DTNA: variants seen among roughly 807,000 people sequenced by gnomAD.
DTNA encodes dystrophin-related protein 3.
A neutral mutation model predicts 100.7 loss-of-function variants in DTNA; 43 were observed. That is an observed-to-expected ratio of 0.43 (90% confidence interval 0.33 to 0.55). DTNA has a LOEUF of 0.55. Ranked by LOEUF, DTNA falls within the 20% of genes least tolerant of loss-of-function variation. The pLI, the probability that DTNA is intolerant of heterozygous loss-of-function variation, is 0.04. For synonymous variants in DTNA, 349 were observed against 347.9 expected (o/e 1.00, Z -0.04); for missense variants, 798 against 953.9 (o/e 0.84, Z 2.15).
chr18:34,789,234 AT>A (rs2094614388), intron 3 of DTNA, among the ~76,000 whole-genome samples: 1 of 152,244 alleles, frequency 6.6e-6, no homozygotes, highest in South Asian at 2.1e-4. Context: ...GTAGACAAAA[AT>A]ACCACCATCC....
chr18:34,678,410 C>T (rs2077654517), intron 1 of DTNA, among the ~76,000 whole-genome samples: 1 of 152,090 alleles, frequency 6.6e-6, no homozygotes, highest in African/African-American at 2.4e-5. Flanking sequence ...AAGCAGAAGG[C>T]ACCCATCACC....
At chr18:34,838,065 C>G (rs531326854) in intron 11 of DTNA, 29 bp from the exon 12 acceptor site, 46 of 1,609,990 alleles carry the variant, frequency 2.9e-5, no homozygotes, top group Non-Finnish European at 3.8e-5. Flanking sequence ...TGTTTACGCT[C>G]TTCTTGGCTT....
At chr18:34,756,690 A>G (rs975076217) in intron 2 of DTNA, among the ~76,000 whole-genome samples, 5 of 152,236 alleles carry the variant, frequency 3.3e-5, no homozygotes, top group African/African-American at 1.2e-4. Context: ...AATCTATTCA[A>G]TAAAGGCTAT....
At chr18:34,550,945 C>T (rs1463989944) in intron 1 of DTNA, among the ~76,000 whole-genome samples, 2 of 152,178 alleles carry the variant, frequency 1.3e-5, no homozygotes, top group Non-Finnish European at 2.9e-5. Context: ...TCATTGATGA[C>T]ATTGCATTCT....
At chr18:34,654,572 G>C (rs1350377885) in intron 1 of DTNA, among the ~76,000 whole-genome samples, 1 of 152,130 alleles carries the variant, frequency 6.6e-6, no homozygotes, top group Non-Finnish European at 1.5e-5. Flanking sequence ...AAATATGAAA[G>C]TTAATCTCTT....
Position 34,557,815 on chromosome 18 carries a change from C to T in DTNA, c.-2+64301C>T, listed in dbSNP as rs542803171. Among the ~76,000 whole-genome samples, 71 of 152,226 alleles carry T rather than the reference C, an allele frequency of 4.7e-4. 1 individual carries two copies. In the East Asian group the frequency reaches 7.3e-3, roughly 16 times the overall value. ...TTTAAGTCTGCAGAGGTTACTGCTG[C>T]CTTTTTGTTTGTCTGTGCCCTGCCC... On this transcript the variant is annotated intron_variant, in intron 1 of 19. Transcript: ENST00000283365.
intron 1 of DTNA, among the ~76,000 whole-genome samples, chr18:34,658,439 G>C (rs1197427410): frequency 6.6e-6 from 1 of 152,096 alleles, no homozygotes; most frequent in Non-Finnish European, 1.5e-5. Context: ...TGTAATCTCT[G>C]CCCCCCGGGT....
At chr18:34,781,887 A>C (rs2094338543) in intron 3 of DTNA, among the ~76,000 whole-genome samples, 1 of 152,192 alleles carries the variant, frequency 6.6e-6, no homozygotes. Flanking sequence ...AGATGGGCAC[A>C]TAATTCAGGG....
intron 1 of DTNA, among the ~76,000 whole-genome samples, chr18:34,509,377 A>G (rs1011511056): frequency 6.6e-6 from 1 of 152,098 alleles, no homozygotes; most frequent in Non-Finnish European, 1.5e-5. Context: ...GGAAGTACAC[A>G]CTGTGTCTTC....
At chr18:34,674,701 G>T (rs1022301137) in intron 1 of DTNA, among the ~76,000 whole-genome samples, 11 of 152,182 alleles carry the variant, frequency 7.2e-5, no homozygotes, top group African/African-American at 2.4e-4. Context: ...TTTGCTAACT[G>T]TTCCACTATC....
rs550914818 is a variant in DTNA at position 34,715,447 on chromosome 18, C to T, written c.-2+5002C>T. On this transcript the variant is annotated intron_variant, in intron 1 of 22. Transcript: ENST00000444659. ...CACATGTTATGAAATGTTCACTAGA[C>T]ACCATTTCAATATTTTAATTGTTTT... Among the ~76,000 whole-genome samples, 10 of 152,138 alleles carry T rather than the reference C, an allele frequency of 6.6e-5. No individual in the cohort carries two copies. In the South Asian group the frequency reaches 1.9e-3, roughly 28 times the overall value.
intron 20 of DTNA, among the ~76,000 whole-genome samples, chr18:34,879,971 G>A (rs2096856485): frequency 6.6e-6 from 1 of 151,984 alleles, no homozygotes; most frequent in African/African-American, 2.4e-5. Context: ...CCTTGCCCAA[G>A]GCACATTGCT....
chr18:34,820,646 G>C, intron 8 of DTNA, 145 bp from the exon 9 acceptor site: 3 of 1,322,364 alleles, frequency 2.3e-6, no homozygotes, highest in Non-Finnish European at 3.1e-6. Context: ...TCTTTTCCGA[G>C]CATTGAGCAA....
intron 8 of DTNA, chr18:34,818,642 T>C: frequency 8.6e-7 from 1 of 1,164,534 alleles, no homozygotes; most frequent in Non-Finnish European, 1.1e-6. Context: ...TAATCTTACA[T>C]TCACAGTAAG....
At chr18:34,763,965 T>A (rs1325269888) in intron 2 of DTNA, among the ~76,000 whole-genome samples, 1 of 152,122 alleles carries the variant, frequency 6.6e-6, no homozygotes, top group Non-Finnish European at 1.5e-5. Context: ...AATTTTCAGA[T>A]GGTAATGAGG....
At chr18:34,536,941 G>A (rs2043774304) in intron 1 of DTNA, among the ~76,000 whole-genome samples, 1 of 148,778 alleles carries the variant, frequency 6.7e-6, no homozygotes, top group South Asian at 2.1e-4. Context: ...TTGAGGTTCA[G>A]GCACAGAGAT....
chr18:34,796,954 G>A (rs570093211), intron 4 of DTNA, among the ~76,000 whole-genome samples: 1 of 152,194 alleles, frequency 6.6e-6, no homozygotes, highest in Non-Finnish European at 1.5e-5. Context: ...AAAAACATCC[G>A]GATCTCAATT....
chr18:34,526,554 G>A (rs1337807851), intron 1 of DTNA, among the ~76,000 whole-genome samples: 8 of 148,614 alleles, frequency 5.4e-5, no homozygotes, highest in Admixed American at 2.0e-4. Flanking sequence ...ACCTATTACT[G>A]TTATTAGAAT....
rs72952378 is a variant in DTNA at position 34,862,140 on chromosome 18, A to G, written c.1647-1826A>G. ...AGACAAGGTCAAAAAAAAAAAAAAA[A>G]AAAGAGAAAGAGAAAGAACACCTCC... On this transcript the variant is annotated intron_variant, in intron 16 of 22. Transcript: ENST00000444659. Among the ~76,000 whole-genome samples the G allele has an allele frequency of 5.2e-3, 765 of 146,956 alleles. 12 individuals are homozygous for G. The highest frequency in any genetic ancestry group is 0.019 in the African/African-American group (726 of 39,128).
Sources: gnomAD v4.1 joint callset for allele counts (sites outside exome capture counted in the v4.1 genomes callset) on GRCh38, gnomAD v4.1.1 for gene constraint, MANE v1.5 for transcripts, NCBI Gene and HGNC (gene_info 2026-07-23, HGNC 2026-07-21) for gene names.